Variants in POMT2 observed in about 807,000 individuals in gnomAD.
The protein encoded by POMT2 is protein O-mannosyltransferase 2, also known as protein O-mannosyl-transferase 2.
Under a neutral mutation model 100.0 loss-of-function variants are expected in POMT2, and 75 were observed. The observed-to-expected ratio is 0.75, with a 90% CI of 0.62 to 0.91. The LOEUF (loss-of-function observed/expected upper bound fraction) is 0.91. Ranked by LOEUF, POMT2 falls within the 40% of genes least tolerant of loss-of-function variation. POMT2 has a pLI of 0.00. For missense variants in POMT2, 940 were observed against 955.1 expected (o/e 0.98, Z 0.21); for synonymous variants, 378 against 374.1 (o/e 1.01, Z -0.12).
rs980022825 is a variant in POMT2 at position 77,320,730 on chromosome 14, G to A, written c.-49C>T. ...TCCGGCCCGGAGGCACACTTTGTCTGACCAGCCGCCCCGCCAAGGAGTCAC... is the reference window on the plus strand; with the variant it reads ...TCCGGCCCGGAGGCACACTTTGTCTAACCAGCCGCCCCGCCAAGGAGTCAC... On this transcript the variant is annotated 5_prime_UTR_variant, in exon 1 of 21. Coordinates refer to ENST00000261534, the MANE Select transcript of POMT2 (RefSeq NM_013382.7). 5 of 1,574,934 alleles carry A rather than the reference G, an allele frequency of 3.2e-6. No individual in the cohort carries two copies. Among genetic ancestry groups the A allele is most frequent in the Middle Eastern group, 2.3e-4 (1 of 4,340 alleles).
At chr14:77,317,411 C>T (rs1891672605) in intron 1 of POMT2, among the ~76,000 whole-genome samples, 1 of 152,208 alleles carries the variant, frequency 6.6e-6, no homozygotes, top group South Asian at 2.1e-4. Flanking sequence ...CTTTCCAAAC[C>T]ATCTACAGTC....
intron 8 of POMT2, among the ~76,000 whole-genome samples, chr14:77,297,901 T>C: frequency 6.6e-6 from 1 of 152,180 alleles, no homozygotes; most frequent in Non-Finnish European, 1.5e-5. Flanking sequence ...ACAGCCTTCC[T>C]GGCCTCCTGG....
rs1390466753 is a variant in POMT2, at chr14:77,320,829, G to GGCGGGGCGGGCAGCGTGGTC, written c.-168_-149dup. 3.5e-5 allele frequency: 48 copies of GGCGGGGCGGGCAGCGTGGTC among 1,364,212 alleles called. 1 individual carries two copies. The Middle Eastern group carries it at 1.9e-3, about 54-fold the overall frequency. The allele number at this position is 1,364,212 out of a possible 1,614,324, so 84.5% of individuals were successfully genotyped here. A position where few individuals can be genotyped will look rare whatever the true frequency, so the allele number is the denominator to read the frequency against. On this transcript the variant is annotated 5_prime_UTR_variant, in exon 1 of 21. Transcript: ENST00000261534. ...GCGGAGCGCGGGGCCCCGGGCTCGGGGCGGGGCGGGCAGCGTGGTCGCGGC... is the reference window on the plus strand; with the variant it reads ...GCGGAGCGCGGGGCCCCGGGCTCGGGGCGGGGCGGGCAGCGTGGTCGCGGGGCGGGCAGCGTGGTCGCGGC...
chr14:77,308,362 T>TTG (rs1566660029), intron 2 of POMT2, among the ~76,000 whole-genome samples: 2 of 149,720 alleles, frequency 1.3e-5, no homozygotes, highest in East Asian at 3.9e-4. Context: ...TTTTGTTTTT[T>TTG]TTTTTTTTTT....
In POMT2 at chr14:77,276,270, A is replaced by AT. The variant is rs1230806297; in HGVS notation, c.*1105dup. The AT allele has an allele frequency of 1.3e-5, 2 of 152,642 alleles. No individual in the cohort carries two copies. Among genetic ancestry groups the AT allele is most frequent in the African/African-American group, 4.8e-5 (2 of 41,452 alleles). The allele number at this position is 152,642 out of a possible 1,614,324, so 9.5% of individuals were successfully genotyped here. A position where few individuals can be genotyped will look rare whatever the true frequency, so the allele number is the denominator to read the frequency against. ...AAGCTGGCATGCATTTCTAGGTGCC[A>AT]TGGGTCTTCACTGCTGAAGCAGTGA... is the stretch of plus-strand genomic sequence containing the variant. On this transcript the variant is annotated 3_prime_UTR_variant, in exon 21 of 21. Coordinates refer to ENST00000261534, the MANE Select transcript of POMT2 (RefSeq NM_013382.7).
At chr14:77,303,066 T>C in intron 4 of POMT2, 123 bp from the exon 5 acceptor site, 1 of 769,206 alleles carries the variant, frequency 1.3e-6, no homozygotes, top group Non-Finnish European at 2.3e-6. Context: ...ACTTGTGCAG[T>C]CAGGACTAGA....
intron 2 of POMT2, 90 bp from the exon 3 acceptor site, chr14:77,306,531 C>T (rs1189604848): frequency 7.5e-6 from 11 of 1,468,186 alleles, no homozygotes; most frequent in Non-Finnish European, 1.0e-5. Context: ...CACCCACAGA[C>T]TTTGGGTTCC....
At position 77,277,062 on chromosome 14, in the gene POMT2, C is replaced by T; in HGVS notation, c.*314G>A. 2 of 416,342 alleles carry T rather than the reference C, an allele frequency of 4.8e-6. No homozygotes were observed. The highest frequency in any genetic ancestry group is 9.0e-6 in the Non-Finnish European group (2 of 221,930). The allele number at this position is 416,342 out of a possible 1,614,324, so 25.8% of individuals were successfully genotyped here. The stretch of plus-strand genomic sequence containing the variant: ...GGTCTGTATTCCACAGGGATATGGA[C>T]AACATGCCCTCACATACACACACGC... On this transcript the variant is annotated 3_prime_UTR_variant, in exon 21 of 21. Coordinates refer to ENST00000261534, the MANE Select transcript of POMT2 (RefSeq NM_013382.7).
At chr14:77,291,947 T>C (rs1018597159) in intron 9 of POMT2, among the ~76,000 whole-genome samples, 6 of 152,130 alleles carry the variant, frequency 3.9e-5, no homozygotes, top group African/African-American at 1.4e-4. Context: ...GGAGAATCGC[T>C]TGAACCTAGG....
In POMT2 at chr14:77,285,036, C is replaced by T. The variant is rs765843443; in HGVS notation, c.1490G>A (p.Trp497Ter). ...SSGKVLPKWG[W>*]EQLEVTCTPY... ...GGTGCAAGTAACTTCCAACTGCTCC[C>T]AGCCCCTGTGAAAAGCAGAAGTCAC... Residue 497 changes from tryptophan (W) to a stop codon, truncating the protein, a stop_gained, in exon 14 of 21, where the codon TGG becomes TAG. Transcript: ENST00000261534. LOFTEE classifies it high-confidence loss of function. The T allele has an allele frequency of 8.1e-6, 13 of 1,610,636 alleles. No individual in the cohort carries two copies. The highest frequency in any genetic ancestry group is 1.7e-5 in the Admixed American group (1 of 59,982).
intron 9 of POMT2, among the ~76,000 whole-genome samples, chr14:77,293,187 G>A (rs963148739): frequency 3.9e-5 from 6 of 152,132 alleles, no homozygotes; most frequent in Non-Finnish European, 7.3e-5. Flanking sequence ...GAAAAAGCTC[G>A]ATATCGTCCA....
chr14:77,280,038 A>T lies in POMT2; in HGVS notation c.1768T>A (p.Tyr590Asn). The change falls in exon 17 of 21, where the codon TAT becomes AAT. Residue 590 changes from tyrosine (Y) to asparagine (N), a missense_variant. Tyr to Asn is a moderately radical substitution (Grantham distance 143). Transcript: ENST00000261534. Reference sequence around the variant, plus strand: ...GCACTCACCGGGTTGCCAAGCAGATAGACTCGGAAATCTGTGTCATTGACC... The same window carrying T: ...GCACTCACCGGGTTGCCAAGCAGATTGACTCGGAAATCTGTGTCATTGACC... ...SGVNDTDFRV[Y>N]LLGNPVVWWL... The T allele has an allele frequency of 6.2e-7, 1 of 1,613,926 alleles. No individual in the cohort carries two copies.
At position 77,299,477 on chromosome 14, in the gene POMT2, G is replaced by C. The variant is rs1459147308; in HGVS notation, c.901C>G (p.His301Asp). 2.5e-6 allele frequency: 4 copies of C among 1,613,998 alleles called. No individual in the cohort carries two copies. The highest frequency in any genetic ancestry group is 3.4e-6 in the Non-Finnish European group (4 of 1,179,932). Residue 301 changes from histidine (H) to aspartate (D), a missense_variant, in exon 7 of 21, where the codon CAC (histidine) becomes GAC (aspartate). Physicochemically the swap from His to Asp is moderately conservative, Grantham distance 81. Transcript: ENST00000261534. The stretch of plus-strand genomic sequence containing the variant: ...TACCTTTTACTCAGCACCATGAAGT[G>C]AACAGCAAAGGTGGCTGTATAGAGA... ...LALYTATFAV[H>D]FMVLSKSGPG...
Position 77,280,818 on chromosome 14 carries a change from G to A in POMT2, c.1654-355C>T, listed in dbSNP as rs998864613. Among the ~76,000 whole-genome samples, 8 of 152,352 alleles carry A rather than the reference G, an allele frequency of 5.3e-5. No homozygotes were observed. In the East Asian group the frequency reaches 5.8e-4, roughly 11 times the overall value. On this transcript the variant is annotated intron_variant, in intron 15 of 20. Transcript: ENST00000261534. ...TATAAAATGAGGCTTACAGCCGGGT[G>A]CAGTGGCTCATGCCTGTAACCCCAG...
intron 8 of POMT2, 105 bp downstream of exon 8, chr14:77,298,584 C>T (rs1028682774): frequency 2.2e-5 from 26 of 1,208,284 alleles, no homozygotes; most frequent in Non-Finnish European, 3.0e-5. Context: ...CCCACCGTGC[C>T]ATCACAGGCT....
intron 18 of POMT2, 137 bp downstream of exon 18, chr14:77,279,686 T>C (rs1019963063): frequency 2.2e-6 from 2 of 900,958 alleles, no homozygotes; most frequent in Non-Finnish European, 3.5e-6. Flanking sequence ...GTTGTTACCT[T>C]TCAAAAGCAA....
chr14:77,294,989 T>G (rs1468378726), intron 9 of POMT2, among the ~76,000 whole-genome samples: 4 of 152,234 alleles, frequency 2.6e-5, no homozygotes, highest in Admixed American at 2.6e-4. Context: ...ACTGGTTCCT[T>G]GTGAGCTATC....
At chr14:77,308,733 G>A (rs1014615580) in intron 2 of POMT2, 1 of 453,246 alleles carries the variant, frequency 2.2e-6, no homozygotes, top group Non-Finnish European at 4.4e-6. Flanking sequence ...ACTGTTGGTG[G>A]GAGTATATAT....
chr14:77,302,843 G>C lies in POMT2; in HGVS notation c.648C>G (p.Cys216Trp), dbSNP rs147871747. ...GGGATGGAGTTTCTGACCTGTCGGC[G>C]CAAGAGTTGTACTTGACCATGCTCA... Reference protein sequence around the residue: ...AMLSMVKYNSCADRPFSAPWW... With the variant: ...AMLSMVKYNSWADRPFSAPWW... Residue 216 changes from cysteine to tryptophan, a missense_variant, in exon 5 of 21, where the codon TGC becomes TGG. Transcript: ENST00000261534. 6 of 1,611,054 alleles carry C rather than the reference G, an allele frequency of 3.7e-6. No individual in the cohort carries two copies. Among genetic ancestry groups the C allele is most frequent in the South Asian group, 3.3e-5 (3 of 90,924 alleles).
Sources: allele counts gnomAD v4.1 joint callset (sites outside exome capture counted in the v4.1 genomes callset), GRCh38; gene constraint gnomAD v4.1.1; transcripts MANE v1.5; gene names NCBI Gene and HGNC (gene_info 2026-07-23, HGNC 2026-07-21).